Variants in TARS3 observed in about 807,000 individuals in gnomAD.
The protein encoded by TARS3 is threonyl-tRNA synthetase 3.
Under a neutral mutation model 103.5 loss-of-function variants are expected in TARS3, and 94 were observed. That is an observed-to-expected ratio of 0.91 (90% CI 0.77 to 1.08). The LOEUF (loss-of-function observed/expected upper bound fraction) is 1.08, where lower values mean the gene tolerates loss of function less well. TARS3 is among the 50% of genes least tolerant of loss of function. The probability of loss-of-function intolerance (pLI) is 0.00; values close to 1 mark genes in which losing one functional copy is unlikely to be tolerated. For missense variants in TARS3, 952 were observed against 995.2 expected (o/e 0.96, Z 0.58); for synonymous variants, 416 against 355.4 (o/e 1.17, Z -1.92).
At position 101,676,600 on chromosome 15, in the gene TARS3, G is replaced by A. The variant is rs186212345; in HGVS notation, c.1651-863C>T. Among the ~76,000 whole-genome samples, 62 of 152,262 alleles carry A rather than the reference G, an allele frequency of 4.1e-4. 1 individual carries two copies. In the East Asian group the frequency reaches 0.011, roughly 27 times the overall value. On this transcript the variant is annotated intron_variant, in intron 12 of 18. Transcript: ENST00000335968. ...TGCAACCTCTGCCTCTCGGGTTCAA[G>A]CGGTTCTCATGCCTCAGGCTCCCGA...
chr15:101,689,025 A>C (rs916871907), intron 10 of TARS3, among the ~76,000 whole-genome samples: 1 of 152,292 alleles, frequency 6.6e-6, no homozygotes, highest in East Asian at 1.9e-4. Flanking sequence ...TTTGGTGCCC[A>C]AAGTATGTTT....
intron 10 of TARS3, among the ~76,000 whole-genome samples, chr15:101,687,085 T>A (rs183255394): frequency 6.6e-6 from 1 of 152,270 alleles, no homozygotes; most frequent in Non-Finnish European, 1.5e-5. Context: ...CTGCTTTACC[T>A]ATCCTTTGTT....
At chr15:101,677,975 T>C (rs963380385) in intron 12 of TARS3, among the ~76,000 whole-genome samples, 10 of 148,440 alleles carry the variant, frequency 6.7e-5, no homozygotes, top group African/African-American at 2.1e-4. Flanking sequence ...TTCTTTTTTT[T>C]TGGGGGTCAT....
rs374449783 is a variant in TARS3, at chr15:101,656,931, A to G, written c.2251T>C (p.Phe751Leu). ...TACAAACTTAAATTACCCAAAATAA[A>G]ATTATACTGAGCCAGCTGTGCATTT... ...IRNAQLAQYN[F>L]ILVVGEKEKI... Residue 751 changes from phenylalanine to leucine, a missense_variant, in exon 18 of 19, where the codon TTT (phenylalanine) becomes CTT (leucine). Physicochemically the swap from Phe to Leu is conservative, Grantham distance 22 (BLOSUM62 0). This residue lies in a region of TARS3 where 540 missense variants were observed against 631.0 expected (regional missense o/e 0.86). Coordinates refer to ENST00000335968, the MANE Select transcript of TARS3 (RefSeq NM_152334.3). 4 of 1,603,068 alleles carry G rather than the reference A, an allele frequency of 2.5e-6. No homozygotes were observed. The African/African-American group carries it at 5.4e-5, about 22-fold the overall frequency.
chr15:101,654,641 T>C lies in TARS3; in HGVS notation c.2350A>G (p.Ile784Val). 1 of 1,614,208 alleles carries C rather than the reference T, an allele frequency of 6.2e-7. No individual in the cohort carries two copies. The highest frequency in any genetic ancestry group is 8.5e-7 in the Non-Finnish European group (1 of 1,180,004). ...TTCCTGAGATTCTTCAGTTTATCAATGGCAGAAGTTACTAAAATCTCTCCA... is the reference window on the plus strand; with the variant it reads ...TTCCTGAGATTCTTCAGTTTATCAACGGCAGAAGTTACTAAAATCTCTCCA... ...IHGEILVTSA[I>V]DKLKNLRKTR... The change falls in exon 19 of 19, where the codon ATT becomes GTT. Residue 784 changes from isoleucine to valine, a missense_variant. Around this residue, in one of 2 missense-constraint regions of TARS3, gnomAD observed 540 missense variants for 631.0 expected, o/e 0.86. Coordinates refer to ENST00000335968, the MANE Select transcript of TARS3 (RefSeq NM_152334.3).
At position 101,653,675 on chromosome 15, in the gene TARS3, GAA is replaced by G. The variant is rs1382610180; in HGVS notation, c.*905_*906del. On this transcript the variant is annotated 3_prime_UTR_variant, in exon 19 of 19. Transcript: ENST00000335968. ...AAGTTAACTAAATGATCAGTATATT[GAA>G]AAGAGATTATTTCTTACATTTCTTT... 5 of 152,190 alleles carry G rather than the reference GAA, an allele frequency of 3.3e-5. No homozygotes were observed. Among genetic ancestry groups the G allele is most frequent in the African/African-American group, 7.2e-5 (3 of 41,438 alleles). The allele number at this position is 152,190 out of a possible 1,614,324, so 9.4% of individuals were successfully genotyped here.
In TARS3 at chr15:101,708,382, T is replaced by C. The variant is rs141768189; in HGVS notation, c.930+411A>G. Among the ~76,000 whole-genome samples, 51 of 147,786 alleles carry C rather than the reference T, an allele frequency of 3.5e-4. 1 individual carries two copies. Among genetic ancestry groups the C allele is most frequent in the African/African-American group, 1.1e-3 (45 of 39,872 alleles). On this transcript the variant is annotated intron_variant, in intron 6 of 18. Transcript: ENST00000335968. The stretch of plus-strand genomic sequence containing the variant: ...TTTAAGTACGTTGGTCAAAAAAATA[T>C]AAAGAGAAAGTTACTGTTTTACACA...
chr15:101,711,117 C>T (rs749728859), intron 5 of TARS3, among the ~76,000 whole-genome samples: 2 of 152,100 alleles, frequency 1.3e-5, no homozygotes, highest in African/African-American at 4.8e-5. Flanking sequence ...TTGATTATCA[C>T]GGAGCGAATT....
chr15:101,656,748 C>T (rs1406621260), intron 18 of TARS3, among the ~76,000 whole-genome samples, 174 bp downstream of exon 18: 1 of 152,146 alleles, frequency 6.6e-6, no homozygotes, highest in African/African-American at 2.4e-5. Context: ...CAGCAAACAA[C>T]AAAGAGTACC....
At chr15:101,705,886 C>T (rs1167633502) in intron 6 of TARS3, 139 bp from the exon 7 acceptor site, 1 of 722,636 alleles carries the variant, frequency 1.4e-6, no homozygotes, top group Non-Finnish European at 2.3e-6. Flanking sequence ...AAAGAGCTCA[C>T]AGCCTTGAGC....
chr15:101,688,184 AAC>A (rs1438500561), intron 10 of TARS3, among the ~76,000 whole-genome samples: 4 of 152,310 alleles, frequency 2.6e-5, no homozygotes, highest in Non-Finnish European at 5.9e-5. Context: ...ACATATAAAT[AAC>A]AGAGAGATAA....
intron 18 of TARS3, 38 bp downstream of exon 18, chr15:101,656,884 A>C: frequency 7.3e-7 from 1 of 1,371,914 alleles, no homozygotes; most frequent in Non-Finnish European, 1.0e-6. Flanking sequence ...AAGTGGGAAA[A>C]AAAAGCATTT....
At chr15:101,659,478 G>A (rs978972197) in intron 16 of TARS3, among the ~76,000 whole-genome samples, 2 of 152,132 alleles carry the variant, frequency 1.3e-5, no homozygotes, top group African/African-American at 4.8e-5. Context: ...CTCCTGGGGA[G>A]ATTTCCCCAC....
chr15:101,709,291 A>G (rs1899737062), intron 5 of TARS3, among the ~76,000 whole-genome samples: 1 of 152,222 alleles, frequency 6.6e-6, no homozygotes, highest in African/African-American at 2.4e-5. Flanking sequence ...CTATGGAACC[A>G]AGGCTGGGAG....
intron 10 of TARS3, among the ~76,000 whole-genome samples, chr15:101,691,148 C>G (rs1161640017): frequency 6.6e-6 from 1 of 151,538 alleles, no homozygotes; most frequent in African/African-American, 2.4e-5. Flanking sequence ...ACCGTATTAG[C>G]CAGGATGGTC....
At chr15:101,677,816 G>A (rs1898093953) in intron 12 of TARS3, among the ~76,000 whole-genome samples, 1 of 151,792 alleles carries the variant, frequency 6.6e-6, no homozygotes, top group Non-Finnish European at 1.5e-5. Context: ...ATTTTTAGTA[G>A]AGACAGGGTT....
At chr15:101,693,977 T>A (rs1272923504) in intron 10 of TARS3, among the ~76,000 whole-genome samples, 1 of 152,072 alleles carries the variant, frequency 6.6e-6, no homozygotes, top group Non-Finnish European at 1.5e-5. Flanking sequence ...AACACAGTTC[T>A]GCATGTTATC....
chr15:101,677,984 A>ATTTTT (rs34335030), intron 12 of TARS3, among the ~76,000 whole-genome samples: 1 of 132,458 alleles, frequency 7.5e-6, no homozygotes, highest in Non-Finnish European at 1.6e-5. Context: ...TTTGGGGGTC[A>ATTTTT]TTTTTTTTTT....
chr15:101,694,712 A>AT (rs1369873647), intron 10 of TARS3, among the ~76,000 whole-genome samples: 4 of 152,284 alleles, frequency 2.6e-5, no homozygotes, highest in African/African-American at 9.6e-5. Flanking sequence ...AGGAAAAGAT[A>AT]TATCATGCAA....
Sources: allele counts gnomAD v4.1 joint callset (sites outside exome capture counted in the v4.1 genomes callset), GRCh38; gene constraint gnomAD v4.1.1; regional missense constraint gnomAD v4.1.1; transcripts MANE v1.5; gene names NCBI Gene and HGNC (gene_info 2026-07-23, HGNC 2026-07-21).